ZNF534: variants seen among roughly 807,000 people sequenced by gnomAD.
The protein encoded by ZNF534 is KRAB domain only 3.
ZNF534 carries 19 observed loss-of-function variants against 13.6 expected under a neutral mutation model. The ratio of observed to expected loss-of-function variants is 1.40; its 90% CI spans 0.97 to 2.05. The LOEUF is 2.05. Ranked by LOEUF, ZNF534 falls within the 30% of genes most tolerant of loss-of-function variation. The pLI is 0.00. For missense variants in ZNF534, 782 were observed against 796.3 expected (o/e 0.98, Z 0.22); for synonymous variants, 244 against 273.8 (o/e 0.89, Z 1.07).
chr19:52,433,619 G>A (rs565659949), intron 2 of ZNF534, among the ~76,000 whole-genome samples: 3 of 152,162 alleles, frequency 2.0e-5, no homozygotes, highest in Non-Finnish European at 2.9e-5. Flanking sequence ...GACCGCCTTG[G>A]CCTCCCAAAA....
downstream of ZNF534, among the ~76,000 whole-genome samples, chr19:52,443,843 G>T (rs2059185091): frequency 6.6e-6 from 1 of 151,864 alleles, no homozygotes; most frequent in South Asian, 2.1e-4. Context: ...AGAGCATATT[G>T]CATTTCTGTA....
intron 2 of ZNF534, 33 bp downstream of exon 2, chr19:52,431,522 T>C: frequency 6.2e-7 from 1 of 1,613,726 alleles, no homozygotes; most frequent in Admixed American, 1.7e-5. Flanking sequence ...TTGTTCTGTC[T>C]CTGTTTCTTC....
At chr19:52,446,875 T>G (rs544341459), downstream of ZNF534, among the ~76,000 whole-genome samples, 1 of 152,170 alleles carries the variant, frequency 6.6e-6, no homozygotes, top group East Asian at 1.9e-4. Flanking sequence ...GACGTACAAT[T>G]TATTGTCTTA....
In ZNF534 at chr19:52,433,964, T is replaced by A; in HGVS notation, c.25T>A (p.Ser9Thr). ...GTGGATTTCCTTTTAGGGGCAATTG[T>A]CATTCAGCGATGTGGCCATAGAATT... MALTQGQL[S>T]FSDVAIEFSQ... The change falls in exon 3 of 5, where the codon TCA (serine) becomes ACA (threonine). Residue 9 changes from serine (S) to threonine (T), a missense_variant. By Grantham distance (58) the Ser-to-Thr change is moderately conservative. Transcript: ENST00000433050. The A allele has an allele frequency of 6.2e-7, 1 of 1,613,988 alleles. No individual in the cohort carries two copies. The highest frequency in any genetic ancestry group is 8.5e-7 in the Non-Finnish European group (1 of 1,179,900).
At chr19:52,451,116 A>G in intron 4 of ZNF534, 1 of 588,622 alleles carries the variant, frequency 1.7e-6, no homozygotes, top group Non-Finnish European at 3.0e-6. Context: ...ACCCATAAAG[A>G]TGGGTAGCCT....
Position 52,448,639 on chromosome 19 carries a change from AT to A in ZNF534, c.272-2547del, listed in dbSNP as rs945705949. On this transcript the variant is annotated intron_variant, in intron 4 of 4. Transcript: ENST00000301085. ...CATTATTTGGGCATTATTTGGGAGA[AT>A]GTTTTATATAATCAGGTAAGAACAC... is the stretch of plus-strand genomic sequence containing the variant. Among the ~76,000 whole-genome samples, 89 of 152,248 alleles carry A rather than the reference AT, an allele frequency of 5.8e-4. 1 individual carries two copies. Among genetic ancestry groups the A allele is most frequent in the African/African-American group, 2.0e-3 (85 of 41,556 alleles).
intron 4 of ZNF534, among the ~76,000 whole-genome samples, chr19:52,448,828 A>T (rs1472415910): frequency 2.6e-5 from 4 of 152,226 alleles, no homozygotes; most frequent in Non-Finnish European, 5.9e-5. Context: ...GATAATTTAA[A>T]TATCCATCAC....
At chr19:52,451,313 C>A in exon 5 of ZNF534, 1 of 1,151,788 alleles carries the variant, frequency 8.7e-7, no homozygotes, top group Non-Finnish European at 1.3e-6. Flanking sequence ...TCGCCCCTCG[C>A]TCTGCTACCA....
At chr19:52,437,517 G>A (rs1274422144) in intron 4 of ZNF534, among the ~76,000 whole-genome samples, 2 of 152,052 alleles carry the variant, frequency 1.3e-5, no homozygotes, top group Non-Finnish European at 2.9e-5. Flanking sequence ...ACTTGGGAGG[G>A]AGAATTGCTT....
At chr19:52,443,819 T>G (rs1462214026), downstream of ZNF534, among the ~76,000 whole-genome samples, 1 of 152,048 alleles carries the variant, frequency 6.6e-6, no homozygotes, top group Non-Finnish European at 1.5e-5. Flanking sequence ...TTAATTCTAT[T>G]GCTGAGACTT....
In ZNF534 at chr19:52,439,262, C is replaced by A. The variant is rs1406036265; in HGVS notation, c.1802C>A (p.Thr601Asn). The A allele has an allele frequency of 2.5e-6, 4 of 1,569,228 alleles. No individual in the cohort carries two copies. Among genetic ancestry groups the A allele is most frequent in the African/African-American group, 1.4e-5 (1 of 73,400 alleles). The change falls in exon 5 of 5, where the codon ACT becomes AAT. Residue 601 changes from threonine (T) to asparagine (N), a missense_variant. Physicochemically the swap from Thr to Asn is moderately conservative, Grantham distance 65 (BLOSUM62 0). Around this residue, in one of 5 missense-constraint regions of ZNF534, gnomAD observed 20 missense variants for 43.6 expected, o/e 0.46. Coordinates refer to ENST00000433050, the MANE Select transcript of ZNF534 (RefSeq NM_001143938.3). ...CTTGCGCGACATAGGAAAATTCATACTGGAGAGAAGCTTTACAAATGTAAT... is the reference window on the plus strand; with the variant it reads ...CTTGCGCGACATAGGAAAATTCATAATGGAGAGAAGCTTTACAAATGTAAT... ...SHLARHRKIHTGEKLYKCNEC... is the reference protein window; with the variant it reads ...SHLARHRKIHNGEKLYKCNEC...
intron 2 of ZNF534, among the ~76,000 whole-genome samples, chr19:52,433,093 A>T (rs78045989): frequency 0.084 from 12,730 of 151,766 alleles, 560 homozygotes; most frequent in Middle Eastern, 0.13. Flanking sequence ...ACATACAAAA[A>T]TTAGCTGGGC....
rs1568444660 is a variant in ZNF534 at position 52,438,145 on chromosome 19, T to G, written c.685T>G (p.Phe229Val). Residue 229 changes from phenylalanine to valine, a missense_variant, in exon 5 of 5, where the codon TTT becomes GTT. Physicochemically the swap from Phe to Val is conservative, Grantham distance 50. Transcript: ENST00000433050. ...CGEIFSSNSN[F>V]AQHQRIHTGE... ...CGAGATCTTTAGTAGCAATTCAAACTTTGCACAACATCAACGAATCCATAC... is the reference window on the plus strand; with the variant it reads ...CGAGATCTTTAGTAGCAATTCAAACGTTGCACAACATCAACGAATCCATAC... 1 of 1,614,016 alleles carries G rather than the reference T, an allele frequency of 6.2e-7. No individual in the cohort carries two copies. The highest frequency in any genetic ancestry group is 8.5e-7 in the Non-Finnish European group (1 of 1,179,964).
rs951248535 is a variant in ZNF534 at position 52,440,064 on chromosome 19, T to G, written c.*618T>G. ...GCTTGGGCAAGAGGAGCAAAACTCT[T>G]TCTTTAAAAACAAAACAAAAAAAGT... On this transcript the variant is annotated 3_prime_UTR_variant, in exon 5 of 5. Coordinates refer to ENST00000433050, the MANE Select transcript of ZNF534 (RefSeq NM_001143938.3). Among the ~76,000 whole-genome samples, 1 of 2,126 alleles carries G rather than the reference T, an allele frequency of 4.7e-4. No individual in the cohort carries two copies. Among genetic ancestry groups the G allele is most frequent in the Non-Finnish European group, 7.1e-3 (1 of 140 alleles). The allele number at this position is 2,126 out of a possible 152,430, so 1.4% of individuals were successfully genotyped here.
Position 52,437,712 on chromosome 19 carries a change from A to C in ZNF534, c.272-20A>C. 6.5e-7 allele frequency: 1 copy of C among 1,536,622 alleles called. No individual in the cohort carries two copies. ...ATGCCAGAATCGGGATTAAGTTCTA[A>C]AATTTTCTTGCTTTTCTAGAGAAGA... On this transcript the variant is annotated intron_variant, in intron 4 of 4. Transcript: ENST00000433050.
chr19:52,431,249 G>A (rs553110894), intron 1 of ZNF534, among the ~76,000 whole-genome samples, 159 bp from the exon 2 acceptor site: 4 of 152,138 alleles, frequency 2.6e-5, no homozygotes. Context: ...TTGAGGAAGG[G>A]AGTAAAAAAC....
chr19:52,437,773 C>G lies in ZNF534; in HGVS notation c.313C>G (p.Leu105Val). 1 of 1,599,480 alleles carries G rather than the reference C, an allele frequency of 6.3e-7. No homozygotes were observed. Among genetic ancestry groups the G allele is most frequent in the Middle Eastern group, 1.7e-4 (1 of 5,978 alleles). Reference sequence around the variant, plus strand: ...GGGAAGCAGTGCAGGAAACAAGTCACTTAAAAATCAACATGGATTAACTCT... The same window carrying G: ...GGGAAGCAGTGCAGGAAACAAGTCAGTTAAAAATCAACATGGATTAACTCT... ...KLGSSAGNKS[L>V]KNQHGLTLQL... The change falls in exon 5 of 5, where the codon CTT becomes GTT. Residue 105 changes from leucine to valine, a missense_variant. Leu to Val is a conservative substitution (Grantham distance 32). Coordinates refer to ENST00000433050, the MANE Select transcript of ZNF534 (RefSeq NM_001143938.3).
Position 52,438,747 on chromosome 19 carries a change from T to C in ZNF534, c.1287T>C (p.Leu429=), listed in dbSNP as rs1350390417. The change falls in exon 5 of 5, where the codon CTT becomes CTC. Residue 429 remains leucine, a synonymous_variant. Transcript: ENST00000433050. ...CGTGTTCAGATCTCACTGCCCATCT[T>C]CTAATCCATACTGGAGAGAAACCTT... ...FRTCSDLTAH[L]LIHTGEKPYE... The C allele has an allele frequency of 1.3e-6, 2 of 1,599,710 alleles. No homozygotes were observed. The highest frequency in any genetic ancestry group is 1.1e-5 in the South Asian group (1 of 89,640).
Position 52,435,192 on chromosome 19 carries a change from T to C in ZNF534, c.254T>C (p.Ile85Thr). 6.2e-7 allele frequency: 1 copy of C among 1,611,992 alleles called. No homozygotes were observed. Among genetic ancestry groups the C allele is most frequent in the Non-Finnish European group, 8.5e-7 (1 of 1,178,940 alleles). ...IINNPDGREC[I>T]KGVNTEKSSK... ...AACAATCCAGATGGCAGGGAGTGCA[T>C]CAAAGGTGTGAACACAGGTGAGAGC... The change falls in exon 4 of 5, where the codon ATC (isoleucine) becomes ACC (threonine). Residue 85 changes from isoleucine to threonine, a missense_variant. Ile to Thr is a moderately conservative substitution (Grantham distance 89). Transcript: ENST00000433050.
Sources: allele counts gnomAD v4.1 joint callset (sites outside exome capture counted in the v4.1 genomes callset), GRCh38; gene constraint gnomAD v4.1.1; regional missense constraint gnomAD v4.1.1; transcripts MANE v1.5; gene names NCBI Gene and HGNC (gene_info 2026-07-23, HGNC 2026-07-21).